GRID2: variants seen among roughly 807,000 people sequenced by gnomAD.
GRID2 encodes glutamate ionotropic receptor delta type subunit 2, also known as glutamate receptor ionotropic, delta-2.
Under a neutral mutation model 114.8 loss-of-function variants are expected in GRID2, and 33 were observed. The ratio of observed to expected loss-of-function variants is 0.29; its 90% CI spans 0.22 to 0.38. GRID2 has a LOEUF of 0.38. Ranked by LOEUF, GRID2 falls within the 10% of genes least tolerant of loss-of-function variation. The probability of loss-of-function intolerance (pLI) is 1.00; values close to 1 mark genes in which losing one functional copy is unlikely to be tolerated. For synonymous variants in GRID2, 505 were observed against 449.9 expected (o/e 1.12, Z -1.55); for missense variants, 1,184 against 1,257.7 (o/e 0.94, Z 0.89).
chr4:92,713,276 A>G (rs762300064), intron 2 of GRID2, among the ~76,000 whole-genome samples: 13 of 151,380 alleles, frequency 8.6e-5, no homozygotes, highest in Non-Finnish European at 1.8e-4. Flanking sequence ...AACACATAAA[A>G]TGACAAAATA....
intron 2 of GRID2, among the ~76,000 whole-genome samples, chr4:92,920,085 T>C (rs113929126): frequency 0.015 from 2,249 of 152,208 alleles, 21 homozygotes; most frequent in East Asian, 0.053. Flanking sequence ...TGAATTGATC[T>C]CTTTACCATT....
chr4:92,485,363 G>C (rs1329880691), intron 1 of GRID2, among the ~76,000 whole-genome samples: 28 of 140,730 alleles, frequency 2.0e-4, no homozygotes, highest in African/African-American at 6.5e-4. Context: ...GTGTGTGTGT[G>C]TGTGTGAGTG....
chr4:93,072,766 T>G (rs1170981337), intron 2 of GRID2, among the ~76,000 whole-genome samples: 1 of 152,188 alleles, frequency 6.6e-6, no homozygotes, highest in Non-Finnish European at 1.5e-5. Context: ...TAGTCTATTT[T>G]ATGACTAGAT....
intron 2 of GRID2, among the ~76,000 whole-genome samples, chr4:92,963,034 A>G (rs1420899382): frequency 6.6e-6 from 1 of 152,016 alleles, no homozygotes. Flanking sequence ...TCTCTTAAGT[A>G]TGCAATAGCA....
chr4:92,754,554 G>C (rs377541492), intron 2 of GRID2, among the ~76,000 whole-genome samples: 3 of 152,268 alleles, frequency 2.0e-5, no homozygotes, highest in South Asian at 2.1e-4. Flanking sequence ...TCTCACCGTG[G>C]TGTTGTGGGG....
chr4:92,538,922 G>T (rs952841056), intron 1 of GRID2, among the ~76,000 whole-genome samples: 2 of 151,836 alleles, frequency 1.3e-5, no homozygotes, highest in Non-Finnish European at 2.9e-5. Context: ...GGCACCTGTA[G>T]TCCCAGCTAC....
intron 1 of GRID2, among the ~76,000 whole-genome samples, chr4:92,505,814 T>C (rs1723936551): frequency 6.6e-6 from 1 of 152,030 alleles, no homozygotes; most frequent in Admixed American, 6.6e-5. Context: ...CAGAGCTTTA[T>C]ATTGATATAC....
intron 13 of GRID2, among the ~76,000 whole-genome samples, chr4:93,546,939 G>A (rs1046893822): frequency 4.6e-5 from 7 of 152,064 alleles, no homozygotes; most frequent in African/African-American, 1.7e-4. Context: ...GCTGGAGGGT[G>A]AATAATCCTA....
chr4:92,956,136 A>G (rs914094508), intron 2 of GRID2, among the ~76,000 whole-genome samples: 5 of 152,188 alleles, frequency 3.3e-5, no homozygotes, highest in African/African-American at 1.2e-4. Context: ...GATTTCCTAT[A>G]TACTTCCTGT....
chr4:93,340,636 G>T (rs990821797), intron 8 of GRID2, among the ~76,000 whole-genome samples: 11 of 152,076 alleles, frequency 7.2e-5, no homozygotes, highest in Non-Finnish European at 1.5e-4. Context: ...TCTTTAAAGT[G>T]ATGCACTACA....
intron 14 of GRID2, among the ~76,000 whole-genome samples, chr4:93,748,917 C>A (rs1732079035): frequency 6.6e-6 from 1 of 152,258 alleles, no homozygotes; most frequent in Admixed American, 6.5e-5. Context: ...GGCAAGAACT[C>A]CTACCAAGTA....
intron 1 of GRID2, among the ~76,000 whole-genome samples, chr4:92,491,995 A>T (rs1157006418): frequency 1.3e-5 from 2 of 152,154 alleles, no homozygotes; most frequent in South Asian, 2.1e-4. Context: ...TTCTGTGAGG[A>T]TGGGCTTTCC....
chr4:93,222,800 A>AT (rs1745046819), intron 6 of GRID2, among the ~76,000 whole-genome samples: 1 of 152,000 alleles, frequency 6.6e-6, no homozygotes, highest in African/African-American at 2.4e-5. Flanking sequence ...TGAACTCATC[A>AT]TTTTTTATGG....
chr4:93,723,019 A>C (rs1358194888), intron 14 of GRID2, among the ~76,000 whole-genome samples: 1 of 152,162 alleles, frequency 6.6e-6, no homozygotes, highest in Non-Finnish European at 1.5e-5. Context: ...ACATATTTAC[A>C]TCTACTTACT....
intron 2 of GRID2, among the ~76,000 whole-genome samples, chr4:92,642,372 T>G (rs1443760155): frequency 6.6e-6 from 1 of 151,932 alleles, no homozygotes; most frequent in African/African-American, 2.4e-5. Flanking sequence ...TGGTTTTGAT[T>G]GGCATTTCTC....
At chr4:92,429,134 A>G (rs1298306196) in intron 1 of GRID2, among the ~76,000 whole-genome samples, 1 of 152,038 alleles carries the variant, frequency 6.6e-6, no homozygotes, top group Non-Finnish European at 1.5e-5. Context: ...TTCTTGTGTT[A>G]ATCTGCTGAG....
At chr4:93,465,140 A>T (rs1724144508) in intron 11 of GRID2, among the ~76,000 whole-genome samples, 1 of 152,222 alleles carries the variant, frequency 6.6e-6, no homozygotes, top group Non-Finnish European at 1.5e-5. Context: ...TGTCATGCTG[A>T]GGAAACACAA....
intron 2 of GRID2, among the ~76,000 whole-genome samples, chr4:92,629,915 AATTAT>A (rs996577791): frequency 3.4e-5 from 5 of 147,680 alleles, no homozygotes; most frequent in Non-Finnish European, 6.0e-5. Flanking sequence ...TAAATTATAT[AATTAT>A]ATTATAAATT....
At chr4:93,426,426 TATAG>T (rs1428932479) in intron 10 of GRID2, among the ~76,000 whole-genome samples, 1 of 152,156 alleles carries the variant, frequency 6.6e-6, no homozygotes, top group South Asian at 2.1e-4. Flanking sequence ...ATTTATTCTA[TATAG>T]ATAGTGGTTA....
Sources: gnomAD v4.1 joint callset for allele counts (sites outside exome capture counted in the v4.1 genomes callset) on GRCh38, gnomAD v4.1.1 for gene constraint, MANE v1.5 for transcripts, NCBI Gene and HGNC (gene_info 2026-07-23, HGNC 2026-07-21) for gene names.